MECOM: variants seen among roughly 807,000 people sequenced by gnomAD.
MECOM encodes the protein MDS1 and EVI1 complex locus.
MECOM carries 13 observed loss-of-function variants against 116.3 expected under a neutral mutation model. The observed-to-expected ratio is 0.11, with a 90% confidence interval of 0.07 to 0.18. MECOM has a LOEUF of 0.18. Among genes scored for constraint, MECOM ranks in the 10% least tolerant of loss-of-function variants. The pLI, the probability that MECOM is intolerant of heterozygous loss-of-function variation, is 1.00. For missense variants in MECOM, 1,299 were observed against 1,509.0 expected, an observed-to-expected ratio of 0.86 and a Z score of 2.31; for synonymous variants, 528 against 535.2, an observed-to-expected ratio of 0.99 and a Z score of 0.19.
intron 12 of MECOM, among the ~76,000 whole-genome samples, chr3:169,096,955 T>C (rs529147293): frequency 1.3e-5 from 1 of 75,992 alleles, no homozygotes; most frequent in Non-Finnish European, 2.6e-5. Flanking sequence ...GTTGTAATAT[T>C]TTAGCCCCAG....
Position 169,093,120 on chromosome 3 carries a change from C to A in MECOM, c.3020-18G>T. ...TGCTGTACCTGTGTGGAGCAGAAAG[C>A]CTTTTATGACAAAGATTATTGTTTA... On this transcript the variant is annotated intron_variant, in intron 13 of 16. Coordinates refer to ENST00000651503, the MANE Select transcript of MECOM (RefSeq NM_004991.4). 1 of 1,566,464 alleles carries A rather than the reference C, an allele frequency of 6.4e-7. No individual in the cohort carries two copies. The highest frequency in any genetic ancestry group is 8.6e-7 in the Non-Finnish European group (1 of 1,160,934).
At chr3:169,658,801 A>G (rs560522042) in intron 1 of MECOM, among the ~76,000 whole-genome samples, 3 of 152,242 alleles carry the variant, frequency 2.0e-5, no homozygotes, top group East Asian at 1.9e-4. Flanking sequence ...GGTGACCAGG[A>G]GATGACAAGT....
At chr3:169,439,209 A>G (rs13086131) in intron 1 of MECOM, among the ~76,000 whole-genome samples, 2 of 147,406 alleles carry the variant, frequency 1.4e-5, no homozygotes, top group African/African-American at 4.9e-5. Flanking sequence ...CTAAAATAAA[A>G]CAGACTACAT....
At chr3:169,189,471 G>C (rs1210863579) in intron 2 of MECOM, among the ~76,000 whole-genome samples, 11 of 152,012 alleles carry the variant, frequency 7.2e-5, no homozygotes, top group African/African-American at 2.7e-4. Context: ...ATGTATCAAT[G>C]AGCCCTGCAT....
At chr3:169,411,082 ATG>A (rs1027897679) in intron 1 of MECOM, among the ~76,000 whole-genome samples, 123 of 152,280 alleles carry the variant, frequency 8.1e-4, no homozygotes, top group African/African-American at 2.8e-3. Context: ...GTCTGTATAT[ATG>A]TATCACCATT....
chr3:169,146,987 A>G, intron 2 of MECOM: 1 of 996,046 alleles, frequency 1.0e-6, no homozygotes, highest in Non-Finnish European at 1.2e-6. Context: ...ATTGTCCGCC[A>G]ACAGTGTATT....
intron 2 of MECOM, among the ~76,000 whole-genome samples, chr3:169,339,976 G>A (rs1724215158): frequency 2.0e-5 from 3 of 152,132 alleles, no homozygotes; most frequent in East Asian, 1.9e-4. Flanking sequence ...GAACAAGTGG[G>A]CCACATTTGA....
At chr3:169,257,872 T>G (rs989555456) in intron 2 of MECOM, among the ~76,000 whole-genome samples, 4 of 152,172 alleles carry the variant, frequency 2.6e-5, no homozygotes, top group Non-Finnish European at 5.9e-5. Flanking sequence ...CCTATGTTGA[T>G]ATCTCATTTC....
At chr3:169,332,097 G>A (rs1444137124) in intron 2 of MECOM, among the ~76,000 whole-genome samples, 2 of 151,784 alleles carry the variant, frequency 1.3e-5, no homozygotes, top group Non-Finnish European at 2.9e-5. Context: ...AAACTAAAGG[G>A]AAGTGGCATC....
At chr3:169,540,640 T>C (rs538529639) in intron 1 of MECOM, among the ~76,000 whole-genome samples, 1 of 152,328 alleles carries the variant, frequency 6.6e-6, no homozygotes, top group South Asian at 2.1e-4. Context: ...TCACCTACTA[T>C]GTAGATGGAG....
intron 2 of MECOM, among the ~76,000 whole-genome samples, chr3:169,179,158 T>G (rs1342753717): frequency 6.6e-6 from 1 of 152,224 alleles, no homozygotes; most frequent in Non-Finnish European, 1.5e-5. Flanking sequence ...ATGTGCTTTC[T>G]TTTCTCTATA....
At chr3:169,205,452 C>T (rs1202469690) in intron 2 of MECOM, among the ~76,000 whole-genome samples, 1 of 152,086 alleles carries the variant, frequency 6.6e-6, no homozygotes, top group African/African-American at 2.4e-5. Flanking sequence ...ATTTATAGGC[C>T]ACACCGTACT....
intron 1 of MECOM, among the ~76,000 whole-genome samples, chr3:169,630,185 C>T (rs2109961323): frequency 6.6e-6 from 1 of 152,240 alleles, no homozygotes; most frequent in Admixed American, 6.5e-5. Context: ...TCTACTGTGC[C>T]CCTGGGGGTG....
chr3:169,117,793 C>T (rs1379800544), intron 7 of MECOM, among the ~76,000 whole-genome samples: 2 of 152,190 alleles, frequency 1.3e-5, no homozygotes, highest in Admixed American at 1.3e-4. Flanking sequence ...CTTTGTAACC[C>T]TTAATAACTC....
chr3:169,415,365 C>T (rs62294306), intron 1 of MECOM, among the ~76,000 whole-genome samples: 8,772 of 152,244 alleles, frequency 0.058, 264 homozygotes, highest in Non-Finnish European at 0.066. Flanking sequence ...GCCTGCCTTA[C>T]AAGCGCTCCT....
At chr3:169,490,752 G>A (rs892790294) in intron 1 of MECOM, among the ~76,000 whole-genome samples, 1 of 152,166 alleles carries the variant, frequency 6.6e-6, no homozygotes, top group Non-Finnish European at 1.5e-5. Flanking sequence ...TAACAGAAAG[G>A]AGGGGTGGGC....
At chr3:169,516,940 A>G (rs756200253) in intron 1 of MECOM, among the ~76,000 whole-genome samples, 1 of 152,218 alleles carries the variant, frequency 6.6e-6, no homozygotes, top group African/African-American at 2.4e-5. Flanking sequence ...CAAACGAAAA[A>G]GGTCCATGTG....
At chr3:169,461,781 T>C (rs1747488134) in intron 1 of MECOM, among the ~76,000 whole-genome samples, 3 of 152,274 alleles carry the variant, frequency 2.0e-5, no homozygotes, top group Middle Eastern at 3.4e-3. Flanking sequence ...CTTTAACCTT[T>C]ATAGAAAGCA....
intron 1 of MECOM, among the ~76,000 whole-genome samples, chr3:169,600,637 A>T (rs1179261589): frequency 6.6e-6 from 1 of 152,220 alleles, no homozygotes; most frequent in East Asian, 1.9e-4. Flanking sequence ...TGGTGTTTCC[A>T]TTATAAACCG....
Sources: gnomAD v4.1 joint callset for allele counts (sites outside exome capture counted in the v4.1 genomes callset) on GRCh38, gnomAD v4.1.1 for gene constraint, MANE v1.5 for transcripts, NCBI Gene and HGNC (gene_info 2026-07-23, HGNC 2026-07-21) for gene names.